Variants in PTPRN observed in about 807,000 individuals in gnomAD.
PTPRN encodes the protein protein tyrosine phosphatase receptor type N.
A neutral mutation model predicts 108.5 loss-of-function variants in PTPRN; 70 were observed. That is an observed-to-expected ratio of 0.65 (90% CI 0.53 to 0.79). PTPRN has a LOEUF of 0.79. Among genes scored for constraint, PTPRN ranks in the 30% least tolerant of loss-of-function variants. The pLI is 0.00. For missense variants in PTPRN, 1,136 were observed against 1,295.5 expected (o/e 0.88, Z 1.89); for synonymous variants, 496 against 524.6 (o/e 0.95, Z 0.75).
rs752696434 is a variant in PTPRN, at chr2:219,299,390, A to G, written c.1524-6T>C. The G allele has an allele frequency of 6.2e-7, 1 of 1,613,992 alleles. No homozygotes were observed. Among genetic ancestry groups the G allele is most frequent in the Non-Finnish European group, 8.5e-7 (1 of 1,179,806 alleles). Reference sequence around the variant, plus strand: ...TGAGGGCTGGTCCCACCACACTGCCAGATAGGAGCTATGTTACTGCCTTCT... The same window carrying G: ...TGAGGGCTGGTCCCACCACACTGCCGGATAGGAGCTATGTTACTGCCTTCT... On this transcript the variant is annotated splice_region_variant and splice_polypyrimidine_tract_variant and intron_variant, in intron 10 of 22. Transcript: ENST00000295718.
chr2:219,289,995 C>T lies in PTPRN; in HGVS notation c.*231G>A. 2 of 568,126 alleles carry T rather than the reference C, an allele frequency of 3.5e-6. No homozygotes were observed. The highest frequency in any genetic ancestry group is 3.1e-5 in the Admixed American group (1 of 32,540). The allele number at this position is 568,126 out of a possible 1,614,324, so 35.2% of individuals were successfully genotyped here. ...ATTGCTACCCATGTCCTTTCCTCTC[C>T]TCCTGGCTGCAGCACCCCCATGGGA... On this transcript the variant is annotated 3_prime_UTR_variant, in exon 23 of 23. Coordinates refer to ENST00000295718, the MANE Select transcript of PTPRN (RefSeq NM_002846.4).
At position 219,302,172 on chromosome 2, in the gene PTPRN, C is replaced by A; in HGVS notation, c.959G>T (p.Arg320Leu). ...EGYEKEGLGD[R>L]GEKPASPAVQ... is the part of the protein sequence containing the mutation. Reference sequence around the variant, plus strand: ...AGCTGGGGAAGCAGGCTTCTCTCCACGATCCCCTAGTCCTTCCTTCTCATA... The same window carrying A: ...AGCTGGGGAAGCAGGCTTCTCTCCAAGATCCCCTAGTCCTTCCTTCTCATA... The change falls in exon 6 of 23, where the codon CGT (arginine) becomes CTT (leucine). Residue 320 changes from arginine (R) to leucine (L), a missense_variant. By Grantham distance (102) the Arg-to-Leu change is moderately radical (BLOSUM62 -2). Transcript: ENST00000295718. 1 of 1,597,612 alleles carries A rather than the reference C, an allele frequency of 6.3e-7. No individual in the cohort carries two copies. The highest frequency in any genetic ancestry group is 8.6e-7 in the Non-Finnish European group (1 of 1,167,986).
At chr2:219,301,495 C>T (rs1671616714) in intron 7 of PTPRN, 93 bp downstream of exon 7, 3 of 1,469,458 alleles carry the variant, frequency 2.0e-6, no homozygotes, top group East Asian at 2.3e-5. Context: ...CCTGACTCTT[C>T]CTCTCCAGGC....
At position 219,297,779 on chromosome 2, in the gene PTPRN, G is replaced by A. The variant is rs983156236; in HGVS notation, c.1887+106C>T. The stretch of plus-strand genomic sequence containing the variant: ...CCAGCCTCCACTGGACCTTCCCAGG[G>A]ATGAGGGCTCACTCCCCATTCAGTT... On this transcript the variant is annotated intron_variant, in intron 13 of 22. Coordinates refer to ENST00000295718, the MANE Select transcript of PTPRN (RefSeq NM_002846.4). This position sits in a 1 kb window ranked among gnomAD's most constrained non-coding sequence, Gnocchi z 6.0. The A allele has an allele frequency of 1.5e-6, 2 of 1,329,066 alleles. No individual in the cohort carries two copies. The highest frequency in any genetic ancestry group is 2.1e-6 in the Non-Finnish European group (2 of 969,696). The allele number at this position is 1,329,066 out of a possible 1,614,324, so 82.3% of individuals were successfully genotyped here.
intron 19 of PTPRN, chr2:219,292,019 A>T (rs1365408831): frequency 1.2e-5 from 2 of 171,366 alleles, no homozygotes; most frequent in African/African-American, 4.8e-5. Context: ...CAGTCTTGCC[A>T]CATCCCTGCT....
intron 4 of PTPRN, 121 bp downstream of exon 4, chr2:219,303,612 CTT>C (rs1952411906): frequency 1.1e-6 from 1 of 874,192 alleles, no homozygotes; most frequent in Non-Finnish European, 1.9e-6. Flanking sequence ...TCCTGCACCT[CTT>C]TACCTGTGCC....
intron 10 of PTPRN, 75 bp from the exon 11 acceptor site, chr2:219,299,459 C>T (rs924802359): frequency 1.1e-5 from 16 of 1,496,830 alleles, no homozygotes; most frequent in Non-Finnish European, 1.4e-5. Context: ...AGCTCTGGCC[C>T]TCTCCCCGTT....
At position 219,303,851 on chromosome 2, in the gene PTPRN, C is replaced by T. The variant is rs370416920; in HGVS notation, c.281-20G>A. 1.1e-4 allele frequency: 176 copies of T among 1,590,108 alleles called. 1 individual carries two copies. Among genetic ancestry groups the T allele is most frequent in the Admixed American group, 5.1e-5 (3 of 58,414 alleles). ...ACAATCCTGTCAGGAAAGAGGACAG[C>T]GTAAGTTGGTTCAGGAGTCTGGGGA... is the stretch of plus-strand genomic sequence containing the variant. On this transcript the variant is annotated intron_variant, in intron 3 of 22. Coordinates refer to ENST00000295718, the MANE Select transcript of PTPRN (RefSeq NM_002846.4).
At chr2:219,294,073 T>A (rs1401544664) in intron 19 of PTPRN, 1 of 524,028 alleles carries the variant, frequency 1.9e-6, no homozygotes, top group Non-Finnish European at 3.9e-6. Flanking sequence ...CAGCTCGGGG[T>A]GGTCCCCGGG....
Position 219,309,252 on chromosome 2 carries a change from G to A in PTPRN, c.81C>T (p.Ser27=), listed in dbSNP as rs569536842. Residue 27 remains serine, a synonymous_variant, in exon 1 of 23, where the codon AGC becomes AGT. Transcript: ENST00000295718. ...TAACGGCGCTGCAGCCCCCCGGGCGGCTGCTCAGCAGCAGGAGGCAGAGGA... is the reference window on the plus strand; with the variant it reads ...TAACGGCGCTGCAGCCCCCCGGGCGACTGCTCAGCAGCAGGAGGCAGAGGA... ...RLLLCLLLLS[S]RPGGCSAVSA... 9.8e-6 allele frequency: 15 copies of A among 1,538,332 alleles called. No individual in the cohort carries two copies. The highest frequency in any genetic ancestry group is 1.3e-5 in the Non-Finnish European group (15 of 1,146,526).
At chr2:219,305,400 G>T (rs1434974587) in intron 3 of PTPRN, among the ~76,000 whole-genome samples, 4 of 152,062 alleles carry the variant, frequency 2.6e-5, no homozygotes, top group Non-Finnish European at 5.9e-5. Context: ...TCGCCACCAT[G>T]CCTGGCTAAT....
Position 219,291,489 on chromosome 2 carries a change from G to A in PTPRN, c.2710C>T (p.Pro904Ser). The A allele has an allele frequency of 6.2e-7, 1 of 1,614,044 alleles. No homozygotes were observed. ...ACCCACCTGCAGTGCACGATGATGGGGCAGGAGCGGCCCCGGTAGCACTTG... is the reference window on the plus strand; with the variant it reads ...ACCCACCTGCAGTGCACGATGATGGAGCAGGAGCGGCCCCGGTAGCACTTG... ...VNKCYRGRSC[P>S]IIVHCSDGAG... Residue 904 changes from proline (P) to serine (S), a missense_variant, in exon 20 of 23, where the codon CCC becomes TCC. Pro to Ser is a moderately conservative substitution (Grantham distance 74). Coordinates refer to ENST00000295718, the MANE Select transcript of PTPRN (RefSeq NM_002846.4).
At chr2:219,299,942 A>G in intron 9 of PTPRN, 43 bp downstream of exon 9, 4 of 1,609,298 alleles carry the variant, frequency 2.5e-6, no homozygotes, top group Non-Finnish European at 2.5e-6. Flanking sequence ...AGGCCAGCCC[A>G]AATCCTAGCA....
At chr2:219,300,384 C>T in intron 8 of PTPRN, 125 bp from the exon 9 acceptor site, 1 of 1,013,788 alleles carries the variant, frequency 9.9e-7, no homozygotes, top group Non-Finnish European at 1.4e-6. Context: ...GGGACCACTG[C>T]AGTGCTGGGT....
rs574426705 is a variant in PTPRN, at chr2:219,296,573, C to G, written c.2311-57G>C. ...TGTGGGAAATGCCACTATGGACAGG[C>G]GTGGTCAGAGCAAGTGGGTCAGGGT... On this transcript the variant is annotated intron_variant, in intron 16 of 22. Coordinates refer to ENST00000295718, the MANE Select transcript of PTPRN (RefSeq NM_002846.4). This position sits in a 1 kb window ranked among gnomAD's most constrained non-coding sequence, Gnocchi z 6.0. The G allele has an allele frequency of 6.2e-7, 1 of 1,603,684 alleles. No individual in the cohort carries two copies. The highest frequency in any genetic ancestry group is 8.5e-7 in the Non-Finnish European group (1 of 1,171,776).
At chr2:219,305,127 C>A (rs1213697804) in intron 3 of PTPRN, among the ~76,000 whole-genome samples, 3 of 152,138 alleles carry the variant, frequency 2.0e-5, no homozygotes, top group Non-Finnish European at 4.4e-5. Context: ...CTCCTTGATA[C>A]ACTTTCTCCT....
chr2:219,292,694 A>G (rs1952078249), intron 19 of PTPRN: 1 of 152,164 alleles, frequency 6.6e-6, no homozygotes, highest in Non-Finnish European at 1.5e-5. Flanking sequence ...AAATCTTGCA[A>G]CAGCCCTCTA....
chr2:219,296,558 G>A lies in PTPRN; in HGVS notation c.2311-42C>T, dbSNP rs372865454. Reference sequence around the variant, plus strand: ...TACACCATGAGCCAGTGTGGGAAATGCCACTATGGACAGGCGTGGTCAGAG... The same window carrying A: ...TACACCATGAGCCAGTGTGGGAAATACCACTATGGACAGGCGTGGTCAGAG... On this transcript the variant is annotated intron_variant, in intron 16 of 22. Transcript: ENST00000295718. The surrounding 1 kb of genome is among the most constrained non-coding windows in gnomAD (Gnocchi z 6.0). The A allele has an allele frequency of 1.9e-6, 3 of 1,609,590 alleles. No homozygotes were observed. The African/African-American group carries it at 4.0e-5, about 22-fold the overall frequency.
intron 19 of PTPRN, chr2:219,294,315 A>T (rs922295682): frequency 2.6e-6 from 1 of 384,664 alleles, no homozygotes; most frequent in Non-Finnish European, 5.4e-6. Flanking sequence ...CAGACAGGGG[A>T]AGGAGGTGGA....
Sources: gnomAD v4.1 joint callset for allele counts (sites outside exome capture counted in the v4.1 genomes callset) on GRCh38, gnomAD v4.1.1 for gene constraint, Gnocchi (gnomAD v3.1) non-coding constraint, MANE v1.5 for transcripts, NCBI Gene and HGNC (gene_info 2026-07-23, HGNC 2026-07-21) for gene names.